Variants in ANTXR1 observed in about 807,000 individuals in gnomAD.
The protein encoded by ANTXR1 is ANTXR cell adhesion molecule 1, also known as anthrax toxin receptor 1.
ANTXR1 carries 19 observed loss-of-function variants against 78.1 expected under a neutral mutation model. That is an observed-to-expected ratio of 0.24 (90% CI 0.17 to 0.36). The LOEUF (loss-of-function observed/expected upper bound fraction) is 0.36, where lower values mean the gene tolerates loss of function less well. Ranked by LOEUF, ANTXR1 falls within the 10% of genes least tolerant of loss-of-function variation. ANTXR1 has a pLI of 1.00. For synonymous variants in ANTXR1, 273 were observed against 260.5 expected (o/e 1.05, Z -0.46); for missense variants, 518 against 718.6 (o/e 0.72, Z 3.19).
chr2:69,085,554 G>A (rs191531318), intron 8 of ANTXR1, among the ~76,000 whole-genome samples: 74 of 152,270 alleles, frequency 4.9e-4, no homozygotes, highest in Admixed American at 7.8e-4. Context: ...TTATTAAGAC[G>A]TGCAGGAAGT....
intron 16 of ANTXR1, among the ~76,000 whole-genome samples, chr2:69,186,826 C>T (rs762718359): frequency 6.6e-6 from 1 of 152,150 alleles, no homozygotes; most frequent in Non-Finnish European, 1.5e-5. Flanking sequence ...CTTTACAGAC[C>T]AAGACCAAAG....
At chr2:69,014,064 C>A (rs1670950052) in intron 1 of ANTXR1, among the ~76,000 whole-genome samples, 1 of 152,190 alleles carries the variant, frequency 6.6e-6, no homozygotes, top group Admixed American at 6.5e-5. Context: ...TAAAGCCAAT[C>A]GTCGCATTTT....
chr2:69,058,533 GAA>G (rs35594191), intron 3 of ANTXR1, among the ~76,000 whole-genome samples: 23,217 of 148,834 alleles, frequency 0.16, 3,814 homozygotes, highest in East Asian at 0.4. Context: ...CCTACTTCTT[GAA>G]AAAAAAAAAT....
intron 17 of ANTXR1, among the ~76,000 whole-genome samples, chr2:69,222,768 C>T (rs1675350634): frequency 6.6e-6 from 1 of 152,210 alleles, no homozygotes; most frequent in Non-Finnish European, 1.5e-5. Context: ...ACTCAGAGGA[C>T]TCTTCTCATT....
intron 12 of ANTXR1, among the ~76,000 whole-genome samples, chr2:69,145,116 G>A (rs1282527658): frequency 6.6e-6 from 1 of 152,134 alleles, no homozygotes; most frequent in Non-Finnish European, 1.5e-5. Context: ...GGCTGGAAAC[G>A]GAAGCCCAGA....
intron 14 of ANTXR1, among the ~76,000 whole-genome samples, chr2:69,178,241 G>T (rs531351324): frequency 1.3e-4 from 20 of 152,296 alleles, no homozygotes; most frequent in African/African-American, 4.8e-4. Context: ...TCTTCCTGGG[G>T]ATTGCAAAAC....
rs892549917 is a variant in ANTXR1, at chr2:69,229,542, TAAATA to T, written c.1435-15676_1435-15672del. Among the ~76,000 whole-genome samples the T allele has an allele frequency of 2.5e-4, 38 of 152,248 alleles. 1 individual carries two copies. The highest frequency in any genetic ancestry group is 7.7e-4 in the African/African-American group (32 of 41,550). ...AATATTTAAAGCAAATACCTCAACA[TAAATA>T]AAATAATAAATTGAAAGACTATACT... On this transcript the variant is annotated intron_variant, in intron 17 of 17. Coordinates refer to ENST00000303714, the MANE Select transcript of ANTXR1 (RefSeq NM_032208.3).
At chr2:69,238,932 CCAAA>C (rs1302944193) in intron 17 of ANTXR1, among the ~76,000 whole-genome samples, 1 of 152,070 alleles carries the variant, frequency 6.6e-6, no homozygotes, top group African/African-American at 2.4e-5. Context: ...TGCCTGATGC[CCAAA>C]CAGATGTCTC....
At chr2:69,226,993 G>A (rs1292525600) in intron 17 of ANTXR1, among the ~76,000 whole-genome samples, 5 of 152,090 alleles carry the variant, frequency 3.3e-5, no homozygotes, top group East Asian at 1.9e-4. Flanking sequence ...GAAGCATTTC[G>A]TGCACCATGA....
chr2:69,234,687 T>C lies in ANTXR1; in HGVS notation c.1435-10538T>C, dbSNP rs143797473. Among the ~76,000 whole-genome samples, 569 of 152,158 alleles carry C rather than the reference T, an allele frequency of 3.7e-3. 4 individuals carry two copies. The highest frequency in any genetic ancestry group is 0.013 in the African/African-American group (530 of 41,532). ...CTGAAGCAGGAGAATCGCTTGAACCTGGGAGACAGAGATTACAGTGAGCTG... is the reference window on the plus strand; with the variant it reads ...CTGAAGCAGGAGAATCGCTTGAACCCGGGAGACAGAGATTACAGTGAGCTG... On this transcript the variant is annotated intron_variant, in intron 17 of 17. Transcript: ENST00000303714.
intron 17 of ANTXR1, among the ~76,000 whole-genome samples, chr2:69,196,520 A>G (rs1674671124): frequency 6.6e-6 from 1 of 152,116 alleles, no homozygotes; most frequent in African/African-American, 2.4e-5. Context: ...CAGGCGAGGC[A>G]GGGGGGGCAA....
chr2:69,178,570 A>AAGAGGGAGGGGCCG (rs1558624789), intron 14 of ANTXR1, among the ~76,000 whole-genome samples: 32 of 139,944 alleles, frequency 2.3e-4, no homozygotes, highest in African/African-American at 1.0e-3. Context: ...GGGAGGGGCC[A>AAGAGGGAGGGGCCG]GGGGCAAGAG....
chr2:69,088,649 A>G (rs1251105250), intron 8 of ANTXR1, among the ~76,000 whole-genome samples: 2 of 152,172 alleles, frequency 1.3e-5, no homozygotes, highest in African/African-American at 4.8e-5. Flanking sequence ...CAAATGGACA[A>G]TCTTCACAAT....
chr2:69,195,743 C>A lies in ANTXR1; in HGVS notation c.1434+2328C>A, dbSNP rs565544207. 1.6e-3 allele frequency among the ~76,000 whole-genome samples: 248 copies of A among 152,190 alleles called. 1 individual carries two copies. The highest frequency in any genetic ancestry group is 5.6e-3 in the African/African-American group (231 of 41,506). On this transcript the variant is annotated intron_variant, in intron 17 of 17. Transcript: ENST00000303714. ...GAAATGAAGAAATTTTTTTAGCATG[C>A]ATGAGACTCCTCTGACAGATTGAGA...
At chr2:69,173,836 A>G (rs1032341114) in intron 14 of ANTXR1, among the ~76,000 whole-genome samples, 7 of 152,220 alleles carry the variant, frequency 4.6e-5, no homozygotes, top group African/African-American at 1.7e-4. Context: ...TATGAAGTAA[A>G]TGTACTGGAA....
At chr2:69,193,506 C>T in intron 17 of ANTXR1, 91 bp downstream of exon 17, 8 of 1,207,772 alleles carry the variant, frequency 6.6e-6, no homozygotes, top group Non-Finnish European at 9.7e-6. Flanking sequence ...CTTTTTCTCT[C>T]TCCATCTTTG....
intron 17 of ANTXR1, among the ~76,000 whole-genome samples, chr2:69,211,538 A>T (rs2104498774): frequency 6.6e-6 from 1 of 152,370 alleles, no homozygotes; most frequent in East Asian, 1.9e-4. Flanking sequence ...ATTATTCTGC[A>T]GCTGTTCATA....
At chr2:69,186,212 TGAG>T (rs1674412414) in intron 16 of ANTXR1, among the ~76,000 whole-genome samples, 1 of 152,190 alleles carries the variant, frequency 6.6e-6, no homozygotes. Flanking sequence ...GCCATCTCTC[TGAG>T]GAGAGAAGAG....
Position 69,245,490 on chromosome 2 carries a change from CA to C in ANTXR1, c.*8del. 1 of 1,613,416 alleles carries C rather than the reference CA, an allele frequency of 6.2e-7. No individual in the cohort carries two copies. Among genetic ancestry groups the C allele is most frequent in the Non-Finnish European group, 8.5e-7 (1 of 1,179,908 alleles). On this transcript the variant is annotated 3_prime_UTR_variant, in exon 18 of 18. Coordinates refer to ENST00000303714, the MANE Select transcript of ANTXR1 (RefSeq NM_032208.3). Reference sequence around the variant, plus strand: ...CCTCCAAGGCCTTCTGTCTAGAGCCCAAAGTTCCTGCTCTGGGCTCTCTCAG... The same window carrying C: ...CCTCCAAGGCCTTCTGTCTAGAGCCCAAGTTCCTGCTCTGGGCTCTCTCAG...
Sources: allele counts gnomAD v4.1 joint callset (sites outside exome capture counted in the v4.1 genomes callset), GRCh38; gene constraint gnomAD v4.1.1; transcripts MANE v1.5; gene names NCBI Gene and HGNC (gene_info 2026-07-23, HGNC 2026-07-21).